Variants in NDUFS4 observed in about 807,000 individuals in gnomAD.
NDUFS4 encodes NADH:ubiquinone oxidoreductase subunit S4.
NDUFS4 carries 28 observed loss-of-function variants against 24.3 expected under a neutral mutation model. The ratio of observed to expected loss-of-function variants is 1.15; its 90% CI spans 0.85 to 1.58. The LOEUF (loss-of-function observed/expected upper bound fraction) is 1.58. Ranked by LOEUF, NDUFS4 falls within the 40% of genes most tolerant of loss-of-function variation. The pLI is 0.00. For missense variants in NDUFS4, 223 were observed against 207.9 expected (o/e 1.07, Z -0.45); for synonymous variants, 93 against 69.7 (o/e 1.34, Z -1.67).
chr5:53,607,713 A>G (rs1445743270), intron 2 of NDUFS4, among the ~76,000 whole-genome samples: 1 of 152,202 alleles, frequency 6.6e-6, no homozygotes, highest in African/African-American at 2.4e-5. Context: ...TATTAAGGCT[A>G]TGAATATTTT....
chr5:53,565,820 G>T (rs1297688697), intron 1 of NDUFS4, among the ~76,000 whole-genome samples: 2 of 152,178 alleles, frequency 1.3e-5, no homozygotes, highest in African/African-American at 4.8e-5. Flanking sequence ...GTTTGGGAAA[G>T]GGTACCCTTG....
At chr5:53,608,359 T>G (rs1054519957) in intron 2 of NDUFS4, among the ~76,000 whole-genome samples, 2 of 152,170 alleles carry the variant, frequency 1.3e-5, no homozygotes, top group Admixed American at 1.3e-4. Flanking sequence ...TTTCTTAAAA[T>G]AAGACAACAG....
chr5:53,650,564 T>C (rs941553140), intron 3 of NDUFS4, among the ~76,000 whole-genome samples: 32 of 152,260 alleles, frequency 2.1e-4, no homozygotes, highest in Admixed American at 2.1e-3. Context: ...TTCAGATTCT[T>C]GTCTGTGTCT....
chr5:53,619,498 A>AAAC (rs1554057001), intron 2 of NDUFS4, among the ~76,000 whole-genome samples: 7 of 150,458 alleles, frequency 4.7e-5, no homozygotes, highest in Admixed American at 1.3e-4. Context: ...AAAAAAAAAA[A>AAAC]AAAAAAAAAA....
chr5:53,646,188 A>AT (rs1751856764), intron 2 of NDUFS4, 45 bp from the exon 3 acceptor site: 1 of 1,433,056 alleles, frequency 7.0e-7, no homozygotes, highest in East Asian at 2.4e-5. Flanking sequence ...ATTAGTGTGT[A>AT]TGTAGGCTGT....
At chr5:53,592,502 T>A (rs1355428452) in intron 1 of NDUFS4, among the ~76,000 whole-genome samples, 1 of 152,202 alleles carries the variant, frequency 6.6e-6, no homozygotes, top group Non-Finnish European at 1.5e-5. Context: ...TCTTACATTA[T>A]CTTTGAGAAA....
At chr5:53,580,769 C>A (rs538216004) in intron 1 of NDUFS4, among the ~76,000 whole-genome samples, 9 of 133,010 alleles carry the variant, frequency 6.8e-5, no homozygotes, top group African/African-American at 2.5e-4. Context: ...TTCTTTCTTT[C>A]TTTCTCTCTC....
chr5:53,671,741 A>G (rs139684508), intron 4 of NDUFS4, among the ~76,000 whole-genome samples: 2,079 of 152,258 alleles, frequency 0.014, 26 homozygotes, highest in Admixed American at 0.023. Context: ...GAGGAGGTAG[A>G]AGACAGCTGT....
At chr5:53,622,977 A>G (rs1751099220) in intron 2 of NDUFS4, among the ~76,000 whole-genome samples, 1 of 152,130 alleles carries the variant, frequency 6.6e-6, no homozygotes, top group Non-Finnish European at 1.5e-5. Flanking sequence ...GCTCTACATA[A>G]TAGTTCCATT....
intron 3 of NDUFS4, among the ~76,000 whole-genome samples, chr5:53,651,691 ACTAT>A (rs1458575151): frequency 3.3e-5 from 5 of 151,946 alleles, no homozygotes; most frequent in African/African-American, 1.2e-4. Context: ...AAGAGAAATG[ACTAT>A]CCATCCTATA....
chr5:53,658,558 C>G lies in NDUFS4; in HGVS notation c.358C>G (p.Pro120Ala). The change falls in exon 4 of 5, where the codon CCC (proline) becomes GCC (alanine). Residue 120 changes from proline (P) to alanine (A), a missense_variant. Transcript: ENST00000296684. ...AAAATTTGTTTCTTACAGGGCTGATCCCTTATCCAACATGGTTCTAACCTT... is the reference window on the plus strand; with the variant it reads ...AAAATTTGTTTCTTACAGGGCTGATGCCTTATCCAACATGGTTCTAACCTT... ...PLMGWASTAD[P>A]LSNMVLTFST... 6.2e-7 allele frequency: 1 copy of G among 1,612,962 alleles called. No individual in the cohort carries two copies. Among genetic ancestry groups the G allele is most frequent in the Non-Finnish European group, 8.5e-7 (1 of 1,179,344 alleles).
At chr5:53,562,088 C>T (rs1748867006) in intron 1 of NDUFS4, among the ~76,000 whole-genome samples, 1 of 152,002 alleles carries the variant, frequency 6.6e-6, no homozygotes, top group Non-Finnish European at 1.5e-5. Context: ...ACTGCAACCT[C>T]CGCCTCCCGG....
rs777667537 is a variant in NDUFS4 at position 53,646,254 on chromosome 5, G to A, written c.199G>A (p.Val67Ile). The change falls in exon 3 of 5, where the codon GTT becomes ATT. Residue 67 changes from valine to isoleucine, a missense_variant. Coordinates refer to ENST00000296684, the MANE Select transcript of NDUFS4 (RefSeq NM_002495.4). ...EKLDITTLTG[V>I]PEEHIKTRKV... is the part of the protein sequence containing the mutation. The stretch of plus-strand genomic sequence containing the variant: ...GTAGGATATCACTACTTTAACTGGA[G>A]TTCCAGAAGAGCATATAAAAACTAG... 3.7e-6 allele frequency: 6 copies of A among 1,611,666 alleles called. No individual in the cohort carries two copies. Among genetic ancestry groups the A allele is most frequent in the East Asian group, 2.2e-5 (1 of 44,782 alleles).
chr5:53,681,306 G>T (rs958070230), intron 4 of NDUFS4, among the ~76,000 whole-genome samples: 1 of 151,996 alleles, frequency 6.6e-6, no homozygotes, highest in African/African-American at 2.4e-5. Flanking sequence ...TTACTCACCT[G>T]TACAAGGGGA....
rs1740737844 is a variant in NDUFS4, at chr5:53,683,224, T to G, written c.*3T>G. On this transcript the variant is annotated 3_prime_UTR_variant, in exon 5 of 5. Coordinates refer to ENST00000296684, the MANE Select transcript of NDUFS4 (RefSeq NM_002495.4). ...GAACAAGAGTATCCACAAAATAGGT[T>G]GGCACTGACTATATCTCTGCTTGAC... The G allele has an allele frequency of 6.4e-7, 1 of 1,574,626 alleles. No individual in the cohort carries two copies. Among genetic ancestry groups the G allele is most frequent in the African/African-American group, 1.4e-5 (1 of 73,928 alleles).
At chr5:53,591,814 A>G (rs1749969245) in intron 1 of NDUFS4, among the ~76,000 whole-genome samples, 3 of 151,734 alleles carry the variant, frequency 2.0e-5, no homozygotes, top group Admixed American at 2.0e-4. Flanking sequence ...TCCTAATGAC[A>G]TATGATATTG....
intron 1 of NDUFS4, among the ~76,000 whole-genome samples, chr5:53,572,277 C>G (rs752504109): frequency 6.6e-6 from 1 of 152,106 alleles, no homozygotes; most frequent in Non-Finnish European, 1.5e-5. Flanking sequence ...AGGGAAGACA[C>G]CTCTCACATG....
chr5:53,666,564 G>GCCTAGCA (rs932437100), intron 4 of NDUFS4, among the ~76,000 whole-genome samples: 1 of 152,164 alleles, frequency 6.6e-6, no homozygotes, highest in African/African-American at 2.4e-5. Flanking sequence ...ACTGCTATGT[G>GCCTAGCA]CCTAGCACCT....
At chr5:53,581,387 A>G (rs972052356) in intron 1 of NDUFS4, among the ~76,000 whole-genome samples, 1 of 152,164 alleles carries the variant, frequency 6.6e-6, no homozygotes, top group African/African-American at 2.4e-5. Context: ...GCAAAAGTCT[A>G]AACTTCCCAG....
Sources: allele counts gnomAD v4.1 joint callset (sites outside exome capture counted in the v4.1 genomes callset), GRCh38; gene constraint gnomAD v4.1.1; transcripts MANE v1.5; gene names NCBI Gene and HGNC (gene_info 2026-07-23, HGNC 2026-07-21).